The following SNTB2 variants were observed in gnomAD, a reference collection of about 807,000 sequenced individuals.
SNTB2 encodes beta-2-syntrophin.
A neutral mutation model predicts 46.2 loss-of-function variants in SNTB2; 34 were observed. The ratio of observed to expected loss-of-function variants is 0.74; its 90% CI spans 0.56 to 0.98. The LOEUF (loss-of-function observed/expected upper bound fraction) is 0.98, where lower values mean the gene tolerates loss of function less well. Ranked by LOEUF, SNTB2 falls within the 50% of genes least tolerant of loss-of-function variation. The probability of loss-of-function intolerance (pLI) is 0.00; values close to 1 mark genes in which losing one functional copy is unlikely to be tolerated. For synonymous variants in SNTB2, 290 were observed against 312.6 expected (o/e 0.93, Z 0.76); for missense variants, 603 against 731.4 (o/e 0.82, Z 2.02).
At chr16:69,225,734 A>G (rs1964452176) in intron 1 of SNTB2, among the ~76,000 whole-genome samples, 2 of 152,244 alleles carry the variant, frequency 1.3e-5, no homozygotes, top group African/African-American at 4.8e-5. Flanking sequence ...TGCTTTGCAC[A>G]TAGGAGAGAG....
In SNTB2 at chr16:69,270,196, T is replaced by G; in HGVS notation, c.1059T>G (p.Thr353=). ...QQWRPVLMAV[T]EKDLLLYDCM... ...GGAGACCTGTCCTCATGGCTGTGACTGAGAAGGATTTGCTGCTCTATGACT... is the reference window on the plus strand; with the variant it reads ...GGAGACCTGTCCTCATGGCTGTGACGGAGAAGGATTTGCTGCTCTATGACT... Residue 353 remains threonine (T), a synonymous_variant, in exon 4 of 7, where the codon ACT becomes ACG. Coordinates refer to ENST00000336278, the MANE Select transcript of SNTB2 (RefSeq NM_006750.4). The G allele has an allele frequency of 1.9e-6, 3 of 1,613,842 alleles. No individual in the cohort carries two copies. Among genetic ancestry groups the G allele is most frequent in the South Asian group, 1.1e-5 (1 of 91,078 alleles).
intron 1 of SNTB2, among the ~76,000 whole-genome samples, chr16:69,219,359 T>A (rs1964378151): frequency 6.6e-6 from 1 of 152,216 alleles, no homozygotes; most frequent in African/African-American, 2.4e-5. Flanking sequence ...ACTGGAGATG[T>A]CAACTCAAAG....
intron 1 of SNTB2, among the ~76,000 whole-genome samples, chr16:69,195,807 A>C (rs78332466): frequency 0.05 from 7,591 of 152,228 alleles, 262 homozygotes; most frequent in Non-Finnish European, 0.071. Context: ...ACTATTACCA[A>C]AATGATGGAG....
intron 1 of SNTB2, among the ~76,000 whole-genome samples, chr16:69,205,415 G>A (rs1299063230): frequency 6.6e-6 from 1 of 150,854 alleles, no homozygotes; most frequent in Non-Finnish European, 1.5e-5. Context: ...GGCCAGGCTG[G>A]TCTCAAACTC....
At chr16:69,215,446 G>A (rs553234429) in intron 1 of SNTB2, among the ~76,000 whole-genome samples, 77 of 152,274 alleles carry the variant, frequency 5.1e-4, no homozygotes, top group Admixed American at 5.0e-3. Context: ...TGGTTCATAC[G>A]TGTATGTTCT....
At chr16:69,276,820 T>C (rs1451507941) in intron 4 of SNTB2, among the ~76,000 whole-genome samples, 5 of 152,180 alleles carry the variant, frequency 3.3e-5, no homozygotes, top group African/African-American at 7.2e-5. Context: ...GGCACGAAAC[T>C]GTTTTGGGAG....
chr16:69,280,956 C>A (rs1056143576), intron 4 of SNTB2, among the ~76,000 whole-genome samples: 2 of 152,118 alleles, frequency 1.3e-5, no homozygotes, highest in South Asian at 2.1e-4. Flanking sequence ...TGCCACCATG[C>A]CCGGCTAATT....
chr16:69,203,765 TA>T (rs1272603959), intron 1 of SNTB2, among the ~76,000 whole-genome samples: 1 of 152,120 alleles, frequency 6.6e-6, no homozygotes, highest in Non-Finnish European at 1.5e-5. Flanking sequence ...TTATTAATAA[TA>T]ATAATAATTC....
At chr16:69,207,713 A>G (rs2152291289) in intron 1 of SNTB2, among the ~76,000 whole-genome samples, 1 of 152,310 alleles carries the variant, frequency 6.6e-6, no homozygotes, top group African/African-American at 2.4e-5. Flanking sequence ...ATCAAAACCT[A>G]AAATCCTACT....
chr16:69,290,615 G>A (rs1965151090), intron 5 of SNTB2, among the ~76,000 whole-genome samples: 1 of 152,124 alleles, frequency 6.6e-6, no homozygotes, highest in Non-Finnish European at 1.5e-5. Flanking sequence ...ATATTTTTCA[G>A]TATATACTCT....
intron 1 of SNTB2, among the ~76,000 whole-genome samples, chr16:69,217,229 C>A (rs1964358014): frequency 6.6e-6 from 1 of 152,054 alleles, no homozygotes; most frequent in African/African-American, 2.4e-5. Flanking sequence ...TGCTCACTCA[C>A]TGGGGAGGCC....
chr16:69,213,040 C>G (rs1306131104), intron 1 of SNTB2, among the ~76,000 whole-genome samples: 4 of 152,104 alleles, frequency 2.6e-5, no homozygotes, highest in African/African-American at 7.2e-5. Context: ...TGGTTACATG[C>G]TTGATCTTTC....
intron 1 of SNTB2, among the ~76,000 whole-genome samples, chr16:69,232,056 A>G (rs1261697517): frequency 1.3e-5 from 2 of 152,262 alleles, no homozygotes; most frequent in African/African-American, 2.4e-5. Flanking sequence ...TTGTTATTCT[A>G]CATTTCTATA....
chr16:69,205,041 A>T (rs1964199895), intron 1 of SNTB2, among the ~76,000 whole-genome samples: 1 of 152,198 alleles, frequency 6.6e-6, no homozygotes, highest in Non-Finnish European at 1.5e-5. Context: ...TTAGCAAACA[A>T]GAGTCCTCAT....
Position 69,270,296 on chromosome 16 carries a change from C to T in SNTB2, c.1148+11C>T, listed in dbSNP as rs1964925291. ...ACTTGTTGCCACCAGGTAAGTAAGA[C>T]TAAAGATAAGGAAGTAAAATATTTA... On this transcript the variant is annotated intron_variant, in intron 4 of 6. Coordinates refer to ENST00000336278, the MANE Select transcript of SNTB2 (RefSeq NM_006750.4). 1.2e-6 allele frequency: 2 copies of T among 1,613,702 alleles called. No individual in the cohort carries two copies. The highest frequency in any genetic ancestry group is 1.7e-6 in the Non-Finnish European group (2 of 1,179,864).
At chr16:69,242,479 C>T (rs1964627144) in intron 1 of SNTB2, among the ~76,000 whole-genome samples, 1 of 151,974 alleles carries the variant, frequency 6.6e-6, no homozygotes, top group South Asian at 2.1e-4. Flanking sequence ...TTCTTCATTT[C>T]TTAAATACGT....
intron 1 of SNTB2, among the ~76,000 whole-genome samples, chr16:69,201,450 A>G (rs1014798425): frequency 1.3e-5 from 2 of 152,188 alleles, no homozygotes; most frequent in African/African-American, 4.8e-5. Context: ...AATGGAAAGG[A>G]TTAGGGAGGC....
At chr16:69,208,971 A>AGT (rs570119837) in intron 1 of SNTB2, among the ~76,000 whole-genome samples, 9,049 of 149,194 alleles carry the variant, frequency 0.061, 310 homozygotes, top group Non-Finnish European at 0.076. Flanking sequence ...TGAATTTTTG[A>AGT]GTGTGTGTGT....
intron 2 of SNTB2, among the ~76,000 whole-genome samples, chr16:69,258,932 C>T (rs1319082971): frequency 1.3e-5 from 2 of 151,908 alleles, no homozygotes; most frequent in Non-Finnish European, 2.9e-5. Flanking sequence ...CTATTTATTT[C>T]ACATAATGTA....
Sources: gnomAD v4.1 joint callset for allele counts (sites outside exome capture counted in the v4.1 genomes callset) on GRCh38, gnomAD v4.1.1 for gene constraint, MANE v1.5 for transcripts, NCBI Gene and HGNC (gene_info 2026-07-23, HGNC 2026-07-21) for gene names.